Variants in C7orf78 observed in about 807,000 individuals in gnomAD.
The protein encoded by C7orf78 is chromosome 7 open reading frame 78.
the C7orf78 span, among the ~76,000 whole-genome samples, chr7:12,512,382 G>C: frequency 6.6e-6 from 1 of 152,138 alleles, no homozygotes; most frequent in Non-Finnish European, 1.5e-5. Context: ...AGCTTATTGA[G>C]AGTTTTTATC....
At chr7:12,502,976 C>T in the C7orf78 span, among the ~76,000 whole-genome samples, 25 of 150,778 alleles carry the variant, frequency 1.7e-4, no homozygotes, top group Non-Finnish European at 2.5e-4. Flanking sequence ...ACTAAACTAT[C>T]GCAACAACAA....
the C7orf78 span, among the ~76,000 whole-genome samples, chr7:12,534,173 T>G: frequency 6.6e-6 from 1 of 152,326 alleles, no homozygotes; most frequent in South Asian, 2.1e-4. Context: ...AGCCTATAGA[T>G]TTTCAACATT....
At chr7:12,489,696 T>C in the C7orf78 span, among the ~76,000 whole-genome samples, 1 of 151,942 alleles carries the variant, frequency 6.6e-6, no homozygotes, top group Non-Finnish European at 1.5e-5. Context: ...AAAGTCAGGG[T>C]TTATTAAGAA....
chr7:12,532,719 A>G, the C7orf78 span, among the ~76,000 whole-genome samples: 3 of 152,290 alleles, frequency 2.0e-5, no homozygotes, highest in East Asian at 1.9e-4. Flanking sequence ...TATTTTATGA[A>G]TAACAATTCA....
chr7:12,518,409 G>T, the C7orf78 span, among the ~76,000 whole-genome samples: 13 of 152,130 alleles, frequency 8.5e-5, no homozygotes, highest in Admixed American at 5.2e-4. Flanking sequence ...CTGGTTTTCA[G>T]CCCCATGTGC....
the C7orf78 span, among the ~76,000 whole-genome samples, chr7:12,493,907 T>TA: frequency 6.6e-6 from 1 of 152,250 alleles, no homozygotes; most frequent in Non-Finnish European, 1.5e-5. Flanking sequence ...GATTATTTCT[T>TA]AAACTTTCCT....
the C7orf78 span, among the ~76,000 whole-genome samples, chr7:12,519,211 C>T: frequency 0.13 from 20,247 of 152,066 alleles, 1,890 homozygotes; most frequent in African/African-American, 0.27. Context: ...GCAGCAGCTG[C>T]AACAGCACCA....
chr7:12,486,464 C>T, the C7orf78 span, among the ~76,000 whole-genome samples: 1 of 151,726 alleles, frequency 6.6e-6, no homozygotes, highest in Non-Finnish European at 1.5e-5. Context: ...GATATGCTAA[C>T]AATACAAGGT....
At chr7:12,524,043 A>G in the C7orf78 span, among the ~76,000 whole-genome samples, 1 of 152,206 alleles carries the variant, frequency 6.6e-6, no homozygotes. Context: ...AGAGTTAAAC[A>G]GTAGAACTGA....
chr7:12,523,048 G>A, the C7orf78 span: 1 of 398,212 alleles, frequency 2.5e-6, no homozygotes, highest in Non-Finnish European at 4.4e-6. Flanking sequence ...ATATTGCAAA[G>A]AGGCTGCAAT....
the C7orf78 span, chr7:12,522,877 T>C: frequency 7.6e-6 from 3 of 396,562 alleles, no homozygotes; most frequent in Admixed American, 4.4e-5. Flanking sequence ...TCCTGCTTCA[T>C]AAATTTTTCA....
chr7:12,485,040 T>C, the C7orf78 span, among the ~76,000 whole-genome samples: 1 of 152,204 alleles, frequency 6.6e-6, no homozygotes. Context: ...TAAAGATGAA[T>C]TTTTGAAACT....
chr7:12,493,454 G>A, the C7orf78 span, among the ~76,000 whole-genome samples: 2 of 152,166 alleles, frequency 1.3e-5, no homozygotes, highest in African/African-American at 2.4e-5. Context: ...CCCCTGGAAG[G>A]CTTGTGAAAA....
At chr7:12,518,631 G>C in the C7orf78 span, among the ~76,000 whole-genome samples, 1,604 of 152,260 alleles carry the variant, frequency 0.011, 26 homozygotes, top group African/African-American at 0.036. Context: ...AGATGGTATA[G>C]GTGGTGGAAT....
At chr7:12,520,711 G>T in the C7orf78 span, among the ~76,000 whole-genome samples, 1 of 152,138 alleles carries the variant, frequency 6.6e-6, no homozygotes, top group African/African-American at 2.4e-5. Context: ...GTTACTGGGT[G>T]GAATGTTCTG....
At chr7:12,497,671 T>C in the C7orf78 span, among the ~76,000 whole-genome samples, 6 of 152,196 alleles carry the variant, frequency 3.9e-5, no homozygotes, top group African/African-American at 1.4e-4. Flanking sequence ...GCGCCCACCA[T>C]TGCCCAGGCT....
chr7:12,501,287 A>T, the C7orf78 span, among the ~76,000 whole-genome samples: 3 of 148,176 alleles, frequency 2.0e-5, no homozygotes, highest in Admixed American at 6.7e-5. Flanking sequence ...GAGGAAATCA[A>T]ATTGTCCCTG....
the C7orf78 span, among the ~76,000 whole-genome samples, chr7:12,534,283 T>C: frequency 0.71 from 108,709 of 152,052 alleles, 39,893 homozygotes; most frequent in East Asian, 0.92. Flanking sequence ...TTTAAGATTA[T>C]GTTCAGCCAT....
the C7orf78 span, among the ~76,000 whole-genome samples, chr7:12,510,676 T>C: frequency 6.6e-6 from 1 of 152,170 alleles, no homozygotes; most frequent in East Asian, 1.9e-4. Flanking sequence ...TATCTGTTGG[T>C]CTTTTGTATG....
Sources: allele counts gnomAD v4.1 joint callset (sites outside exome capture counted in the v4.1 genomes callset), GRCh38; gene constraint gnomAD v4.1.1; transcripts MANE v1.5; gene names NCBI Gene and HGNC (gene_info 2026-07-23, HGNC 2026-07-21).